The following GTF2A1L variants were observed in gnomAD, a reference collection of about 807,000 sequenced individuals.
GTF2A1L encodes general transcription factor IIA subunit 1 like.
Under a neutral mutation model 49.7 loss-of-function variants are expected in GTF2A1L, and 48 were observed. The ratio of observed to expected loss-of-function variants is 0.97; its 90% confidence interval spans 0.77 to 1.23. GTF2A1L has a LOEUF of 1.23. Among genes scored for constraint, GTF2A1L ranks in the 50% most tolerant of loss-of-function variants. GTF2A1L has a pLI of 0.00. For synonymous variants in GTF2A1L, 246 were observed against 193.5 expected, an observed-to-expected ratio of 1.27 and a Z score of -2.25; for missense variants, 736 against 564.8, an observed-to-expected ratio of 1.30 and a Z score of -3.07.
intron 8 of GTF2A1L, among the ~76,000 whole-genome samples, chr2:48,675,945 T>TA (rs942918736): frequency 6.6e-5 from 10 of 151,846 alleles, no homozygotes; most frequent in Non-Finnish European, 1.2e-4. Context: ...TACACATGGT[T>TA]AAAAAATCAA....
At chr2:48,623,960 T>C (rs560702831) in intron 3 of GTF2A1L, among the ~76,000 whole-genome samples, 3 of 152,296 alleles carry the variant, frequency 2.0e-5, no homozygotes, top group African/African-American at 7.2e-5. Context: ...GGTACTATGT[T>C]CACTATTTGG....
intron 3 of GTF2A1L, among the ~76,000 whole-genome samples, chr2:48,627,980 GT>G (rs1676379516): frequency 6.9e-6 from 1 of 143,976 alleles, no homozygotes; most frequent in African/African-American, 2.5e-5. Context: ...TGTGGTATTT[GT>G]TTTTCTGTTC....
In GTF2A1L at chr2:48,669,997, T is replaced by C. The variant is rs778951843; in HGVS notation, c.1239+15T>C. 6.3e-7 allele frequency: 1 copy of C among 1,592,120 alleles called. No individual in the cohort carries two copies. Among genetic ancestry groups the C allele is most frequent in the Non-Finnish European group, 8.5e-7 (1 of 1,170,254 alleles). On this transcript the variant is annotated intron_variant, in intron 7 of 8. Transcript: ENST00000403751. ...TTGTAGAAGAGGTGAGGATGACTTT[T>C]GAGCTGAGACTTCCTTTATTAATTT...
chr2:48,657,825 C>A (rs1678268032), intron 6 of GTF2A1L, among the ~76,000 whole-genome samples: 2 of 151,406 alleles, frequency 1.3e-5, no homozygotes, highest in African/African-American at 2.4e-5. Flanking sequence ...TATCTTATTG[C>A]ATTTTTGATT....
At position 48,671,700 on chromosome 2, in the gene GTF2A1L, G is replaced by C; in HGVS notation, c.1329+20G>C. On this transcript the variant is annotated intron_variant, in intron 8 of 8. Transcript: ENST00000403751. ...GATAAGGTACTGTATTTACCTTTTG[G>C]ACTTTGGGTTTATTAACTGCATTTA... is the stretch of plus-strand genomic sequence containing the variant. The C allele has an allele frequency of 6.3e-7, 1 of 1,598,114 alleles. No homozygotes were observed. The highest frequency in any genetic ancestry group is 8.5e-7 in the Non-Finnish European group (1 of 1,172,558).
chr2:48,639,306 C>A (rs1420612942), intron 3 of GTF2A1L, among the ~76,000 whole-genome samples: 3 of 152,136 alleles, frequency 2.0e-5, no homozygotes, highest in Non-Finnish European at 4.4e-5. Context: ...AACTATACTA[C>A]AGGGCCACAG....
At chr2:48,670,060 G>T in intron 7 of GTF2A1L, 78 bp downstream of exon 7, 3 of 1,505,714 alleles carry the variant, frequency 2.0e-6, no homozygotes, top group Non-Finnish European at 2.7e-6. Flanking sequence ...GAACCAAAAG[G>T]AATAGCAAGA....
intron 3 of GTF2A1L, among the ~76,000 whole-genome samples, chr2:48,632,127 T>A (rs1278973371): frequency 6.6e-6 from 1 of 152,222 alleles, no homozygotes; most frequent in Non-Finnish European, 1.5e-5. Flanking sequence ...ATGTTGGTAC[T>A]GCTGTGAGCG....
chr2:48,675,447 T>C (rs1313647606), intron 8 of GTF2A1L, among the ~76,000 whole-genome samples: 2 of 151,994 alleles, frequency 1.3e-5, no homozygotes, highest in Admixed American at 6.6e-5. Context: ...AGATTAACAA[T>C]TGGGGGGAAA....
chr2:48,664,142 C>T (rs1412685993), intron 6 of GTF2A1L, among the ~76,000 whole-genome samples: 1 of 151,796 alleles, frequency 6.6e-6, no homozygotes, highest in Non-Finnish European at 1.5e-5. Flanking sequence ...TGGCTTATTG[C>T]ACTGACTAGG....
chr2:48,645,932 G>A (rs1677476927), intron 5 of GTF2A1L, among the ~76,000 whole-genome samples: 1 of 148,768 alleles, frequency 6.7e-6, no homozygotes, highest in South Asian at 2.1e-4. Context: ...ACAGGCATGA[G>A]CCACCGCGCC....
chr2:48,659,104 C>T (rs1400137248), intron 6 of GTF2A1L, among the ~76,000 whole-genome samples: 1 of 152,040 alleles, frequency 6.6e-6, no homozygotes, highest in Non-Finnish European at 1.5e-5. Flanking sequence ...ACTTTTTTCT[C>T]TAGTTGCCTT....
chr2:48,642,603 C>A (rs766934357), intron 4 of GTF2A1L, 146 bp downstream of exon 4: 2 of 654,896 alleles, frequency 3.1e-6, no homozygotes, highest in Non-Finnish European at 4.7e-6. Context: ...GCCTGTAATT[C>A]CAGCACTTTG....
At chr2:48,676,952 A>G (rs188697835) in intron 8 of GTF2A1L, among the ~76,000 whole-genome samples, 131 of 151,260 alleles carry the variant, frequency 8.7e-4, no homozygotes, top group Admixed American at 2.7e-3. Context: ...TGGCTACTCA[A>G]TCTTCCTAAC....
At position 48,638,792 on chromosome 2, in the gene GTF2A1L, T is replaced by G. The variant is rs117229694; in HGVS notation, c.248-3610T>G. ...AAGAAGAAGTCAAACTGTCCCTATT[T>G]GCAGATGATATGATTCTATATGCAG... On this transcript the variant is annotated intron_variant, in intron 3 of 8. Transcript: ENST00000403751. Among the ~76,000 whole-genome samples, 188 of 152,250 alleles carry G rather than the reference T, an allele frequency of 1.2e-3. 3 individuals carry two copies. The East Asian group carries it at 0.017, about 14-fold the overall frequency.
chr2:48,630,145 T>C (rs955698579), intron 3 of GTF2A1L, among the ~76,000 whole-genome samples: 1 of 144,090 alleles, frequency 6.9e-6, no homozygotes, highest in Admixed American at 7.0e-5. Flanking sequence ...TTTTTCTAGT[T>C]CTGTGAAAAA....
chr2:48,668,057 C>T (rs1490734455), intron 6 of GTF2A1L, among the ~76,000 whole-genome samples: 1 of 152,194 alleles, frequency 6.6e-6, no homozygotes, highest in Non-Finnish European at 1.5e-5. Flanking sequence ...CTTCATTCCC[C>T]TCTTCATAGC....
Position 48,646,707 on chromosome 2 carries a change from A to G in GTF2A1L, c.643A>G (p.Ser215Gly), listed in dbSNP as rs758255472. Residue 215 changes from serine to glycine, a missense_variant, in exon 6 of 9, where the codon AGT becomes GGT. Coordinates refer to ENST00000403751, the MANE Select transcript of GTF2A1L (RefSeq NM_006872.5). ...VDRKHLENAT[S>G]DILVSPGNEH... Reference sequence around the variant, plus strand: ...TAGGAAACACTTAGAAAATGCCACCAGTGATATACTTGTATCTCCTGGAAA... The same window carrying G: ...TAGGAAACACTTAGAAAATGCCACCGGTGATATACTTGTATCTCCTGGAAA... 6.2e-7 allele frequency: 1 copy of G among 1,614,220 alleles called. No homozygotes were observed. The highest frequency in any genetic ancestry group is 8.5e-7 in the Non-Finnish European group (1 of 1,180,034).
At chr2:48,672,189 A>G (rs956276269) in intron 8 of GTF2A1L, among the ~76,000 whole-genome samples, 1 of 152,224 alleles carries the variant, frequency 6.6e-6, no homozygotes, top group Non-Finnish European at 1.5e-5. Flanking sequence ...GATACAGGTA[A>G]ATATGGAGAA....
Sources: gnomAD v4.1 joint callset for allele counts (sites outside exome capture counted in the v4.1 genomes callset) on GRCh38, gnomAD v4.1.1 for gene constraint, MANE v1.5 for transcripts, NCBI Gene and HGNC (gene_info 2026-07-23, HGNC 2026-07-21) for gene names.